Variants in MPHOSPH8 observed in about 807,000 individuals in gnomAD.
MPHOSPH8 encodes the protein M-phase phosphoprotein 8, also known as M-phase phosphoprotein, mpp.
Under a neutral mutation model 87.3 loss-of-function variants are expected in MPHOSPH8, and 45 were observed. That is an observed-to-expected ratio of 0.52 (90% CI 0.41 to 0.66). The LOEUF (loss-of-function observed/expected upper bound fraction) is 0.66. Among genes scored for constraint, MPHOSPH8 ranks in the 30% least tolerant of loss-of-function variants. The pLI is 0.00. For synonymous variants in MPHOSPH8, 366 were observed against 376.9 expected (o/e 0.97, Z 0.33); for missense variants, 883 against 1,020.2 (o/e 0.87, Z 1.83).
chr13:19,659,102 A>G lies in MPHOSPH8; in HGVS notation c.1684A>G (p.Thr562Ala), dbSNP rs1021251644. ...TGGGAAAGATGAGAATTTTGCTGCA[A>G]CAGATGCAATTCCAAGTAGTGAGTA... is the stretch of plus-strand genomic sequence containing the variant. ...LDGKDENFAA[T>A]DAIPSNVLRD... Residue 562 changes from threonine (T) to alanine (A), a missense_variant, in exon 6 of 14, where the codon ACA becomes GCA. By Grantham distance (58) the Thr-to-Ala change is moderately conservative. Around this residue, in one of 3 missense-constraint regions of MPHOSPH8, gnomAD observed 741 missense variants for 841.5 expected, o/e 0.88. Coordinates refer to ENST00000361479, the MANE Select transcript of MPHOSPH8 (RefSeq NM_017520.4). 3 of 1,614,000 alleles carry G rather than the reference A, an allele frequency of 1.9e-6. No homozygotes were observed. Among genetic ancestry groups the G allele is most frequent in the Non-Finnish European group, 2.5e-6 (3 of 1,180,026 alleles).
chr13:19,662,975 A>C, intron 8 of MPHOSPH8, 65 bp from the exon 9 acceptor site: 3 of 1,399,848 alleles, frequency 2.1e-6, no homozygotes, highest in Non-Finnish European at 3.0e-6. Context: ...AAAAATTTCA[A>C]AATATCTGAA....
chr13:19,652,164 G>A (rs568723045), intron 5 of MPHOSPH8, among the ~76,000 whole-genome samples: 3 of 152,164 alleles, frequency 2.0e-5, no homozygotes, highest in South Asian at 2.1e-4. Context: ...GAACAGCTCC[G>A]TTCCGCAATT....
intron 1 of MPHOSPH8, among the ~76,000 whole-genome samples, chr13:19,637,542 A>T (rs1874069453): frequency 6.6e-6 from 1 of 151,988 alleles, no homozygotes; most frequent in Non-Finnish European, 1.5e-5. Flanking sequence ...ATGACCCATT[A>T]CTGATAAAAT....
At chr13:19,656,653 G>A (rs1016333744) in intron 5 of MPHOSPH8, among the ~76,000 whole-genome samples, 9 of 150,562 alleles carry the variant, frequency 6.0e-5, no homozygotes, top group South Asian at 2.1e-4. Context: ...CCAGCTACTC[G>A]GGAGGCTGAG....
In MPHOSPH8 at chr13:19,661,758, C is replaced by T. The variant is rs1457152115; in HGVS notation, c.1852C>T (p.Arg618Ter). ...AAAGGQDDLL[R>*]LLITKGAKVN... The stretch of plus-strand genomic sequence containing the variant: ...CGCCGGAGGGCAGGACGACCTCCTG[C>T]GACTCCTCATCACAAAAGGCGCGAA... Residue 618 changes from arginine to a stop codon, truncating the protein, a stop_gained, in exon 8 of 14, where the codon CGA becomes TGA. Transcript: ENST00000361479. LOFTEE classifies it high-confidence loss of function. 9.9e-6 allele frequency: 16 copies of T among 1,612,660 alleles called. No homozygotes were observed. The highest frequency in any genetic ancestry group is 8.9e-5 in the East Asian group (4 of 44,808).
At position 19,663,020 on chromosome 13, in the gene MPHOSPH8, G is replaced by A. The variant is rs1463165166; in HGVS notation, c.1933-20G>A. Reference sequence around the variant, plus strand: ...TTAAATAATTTGGGAAATTAAATTTGCCTTTTTTTCTTTTCATAGAACTTT... The same window carrying A: ...TTAAATAATTTGGGAAATTAAATTTACCTTTTTTTCTTTTCATAGAACTTT... On this transcript the variant is annotated intron_variant, in intron 8 of 13. Coordinates refer to ENST00000361479, the MANE Select transcript of MPHOSPH8 (RefSeq NM_017520.4). 1 of 1,566,304 alleles carries A rather than the reference G, an allele frequency of 6.4e-7. No homozygotes were observed.
rs1473989482 is a variant in MPHOSPH8, at chr13:19,646,684, C to G, written c.611C>G (p.Ser204Cys). Residue 204 changes from serine to cysteine, a missense_variant, in exon 3 of 14, where the codon TCT becomes TGT. Around this residue, in one of 3 missense-constraint regions of MPHOSPH8, gnomAD observed 741 missense variants for 841.5 expected, o/e 0.88. Transcript: ENST00000361479. Reference sequence around the variant, plus strand: ...GATTTAAGGACAAAGAAAAGAATTTCTGAAGCCAAAGAAGAACTAAAGGAG... The same window carrying G: ...GATTTAAGGACAAAGAAAAGAATTTGTGAAGCCAAAGAAGAACTAAAGGAG... ...VFDLRTKKRI[S>C]EAKEELKESK... 1 of 1,595,108 alleles carries G rather than the reference C, an allele frequency of 6.3e-7. No individual in the cohort carries two copies. The highest frequency in any genetic ancestry group is 2.2e-5 in the East Asian group (1 of 44,698).
In MPHOSPH8 at chr13:19,633,747, G is replaced by A. The variant is rs1873832775; in HGVS notation, c.-2G>A. 1.9e-6 allele frequency: 3 copies of A among 1,588,732 alleles called. No individual in the cohort carries two copies. Among genetic ancestry groups the A allele is most frequent in the Non-Finnish European group, 2.6e-6 (3 of 1,168,188 alleles). On this transcript the variant is annotated 5_prime_UTR_variant, in exon 1 of 14. Coordinates refer to ENST00000361479, the MANE Select transcript of MPHOSPH8 (RefSeq NM_017520.4). ...TCCTCGGCGGTTTGCGGAGCTGCTA[G>A]GATGGAGCAGGTTGCGGAGGGAGCA...
At chr13:19,670,941 T>C (rs1194572821) in intron 12 of MPHOSPH8, 1 of 982,634 alleles carries the variant, frequency 1.0e-6, no homozygotes, top group Admixed American at 2.4e-5. Flanking sequence ...CACCTCAGCC[T>C]CCTAACTACC....
At chr13:19,660,203 T>C (rs1408040667) in intron 7 of MPHOSPH8, among the ~76,000 whole-genome samples, 1 of 151,534 alleles carries the variant, frequency 6.6e-6, no homozygotes, top group Non-Finnish European at 1.5e-5. Context: ...CTCCTGACCT[T>C]GTGATCTGCC....
intron 5 of MPHOSPH8, among the ~76,000 whole-genome samples, chr13:19,651,169 G>A (rs1425579194): frequency 1.3e-5 from 2 of 152,190 alleles, no homozygotes; most frequent in Admixed American, 6.5e-5. Context: ...AAAGAGGTAC[G>A]ATTACAGGTT....
chr13:19,671,168 T>C (rs528713387), intron 12 of MPHOSPH8, 38 bp from the exon 13 acceptor site: 67 of 1,604,366 alleles, frequency 4.2e-5, no homozygotes, highest in African/African-American at 5.4e-5. Context: ...TGGTGTAAGT[T>C]TGAAAACACT....
In MPHOSPH8 at chr13:19,646,583, G is replaced by GA; in HGVS notation, c.516dup (p.Ala173SerfsTer24). 6.3e-7 allele frequency: 1 copy of GA among 1,583,154 alleles called. No individual in the cohort carries two copies. Among genetic ancestry groups the GA allele is most frequent in the Non-Finnish European group, 8.5e-7 (1 of 1,172,934 alleles). ...AGAAAAGCCCAGATGATCTGAAAAA[G>GA]AAAAAAGCAAAGGCCGGGAAGCTAA... On this transcript the variant is annotated frameshift_variant, in exon 3 of 14. Transcript: ENST00000361479. LOFTEE classifies it high-confidence loss of function.
At chr13:19,670,427 A>C (rs1876061253) in intron 12 of MPHOSPH8, 64 bp downstream of exon 12, 2 of 1,525,488 alleles carry the variant, frequency 1.3e-6, no homozygotes, top group Non-Finnish European at 1.8e-6. Context: ...CAGATGACTT[A>C]ATTTTAAATT....
chr13:19,645,484 A>G (rs1263588514), intron 2 of MPHOSPH8, among the ~76,000 whole-genome samples: 1 of 152,108 alleles, frequency 6.6e-6, no homozygotes, highest in Non-Finnish European at 1.5e-5. Flanking sequence ...TTTTTAAAGT[A>G]TATCTGGCCA....
At chr13:19,654,262 A>G (rs1003341368) in intron 5 of MPHOSPH8, among the ~76,000 whole-genome samples, 1 of 152,148 alleles carries the variant, frequency 6.6e-6, no homozygotes, top group Admixed American at 6.5e-5. Context: ...CTCACTCATA[A>G]GTGGTAGTTG....
intron 2 of MPHOSPH8, among the ~76,000 whole-genome samples, chr13:19,645,069 G>A (rs952803398): frequency 6.6e-6 from 1 of 152,094 alleles, no homozygotes; most frequent in Admixed American, 6.5e-5. Context: ...GCTTGGTCCT[G>A]GAAGTCCTGA....
At chr13:19,649,583 C>T (rs900779372) in intron 4 of MPHOSPH8, among the ~76,000 whole-genome samples, 13 of 152,206 alleles carry the variant, frequency 8.5e-5, no homozygotes, top group Admixed American at 2.6e-4. Flanking sequence ...AGGCAGTGCT[C>T]TGGCACCCTG....
At position 19,642,255 on chromosome 13, in the gene MPHOSPH8, C is replaced by T. The variant is rs768139177; in HGVS notation, c.354C>T (p.Val118=). 1.6e-5 allele frequency: 25 copies of T among 1,595,900 alleles called. No homozygotes were observed. Among genetic ancestry groups the T allele is most frequent in the African/African-American group, 4.1e-5 (3 of 73,698 alleles). Residue 118 remains valine (V), a synonymous_variant, in exon 2 of 14, where the codon GTC becomes GTT. Coordinates refer to ENST00000361479, the MANE Select transcript of MPHOSPH8 (RefSeq NM_017520.4). The stretch of plus-strand genomic sequence containing the variant: ...TTGCAGAGAACAAAGCCAAAGCAGT[C>T]AGGAAGGATATTCAGGTACTATGTT... ...KKIAENKAKA[V]RKDIQRLSLN... is the part of the protein sequence containing the mutation.
Sources: allele counts gnomAD v4.1 joint callset (sites outside exome capture counted in the v4.1 genomes callset), GRCh38; gene constraint gnomAD v4.1.1; regional missense constraint gnomAD v4.1.1; transcripts MANE v1.5; gene names NCBI Gene and HGNC (gene_info 2026-07-23, HGNC 2026-07-21).